Variants in SLC11A2 observed in about 807,000 individuals in gnomAD.
The protein encoded by SLC11A2 is natural resistance-associated macrophage protein 2.
SLC11A2 carries 38 observed loss-of-function variants against 68.0 expected under a neutral mutation model. The observed-to-expected ratio is 0.56, with a 90% CI of 0.43 to 0.73. SLC11A2 has a LOEUF of 0.73. SLC11A2 is among the 30% of genes least tolerant of loss of function. The pLI, the probability that SLC11A2 is intolerant of heterozygous loss-of-function variation, is 0.00. For synonymous variants in SLC11A2, 242 were observed against 250.6 expected, an observed-to-expected ratio of 0.97 and a Z score of 0.32; for missense variants, 517 against 690.5, an observed-to-expected ratio of 0.75 and a Z score of 2.82.
intron 1 of SLC11A2, among the ~76,000 whole-genome samples, chr12:51,017,838 C>T (rs1943766850): frequency 1.3e-5 from 2 of 152,088 alleles, no homozygotes; most frequent in Admixed American, 1.3e-4. Context: ...ATTCCTGACT[C>T]CCTAATTTGG....
chr12:50,996,873 T>C lies in SLC11A2; in HGVS notation c.775A>G (p.Ile259Val), dbSNP rs1451494521. The change falls in exon 9 of 16, where the codon ATC becomes GTC. Residue 259 changes from isoleucine (I) to valine (V), a missense_variant. Physicochemically the swap from Ile to Val is conservative, Grantham distance 29 (BLOSUM62 3). Transcript: ENST00000262052. ...RTPQIEQAVG[I>V]VGAVIMPHNM... ...TGTGGCATGATGACAGCTCCCACGA[T>C]GCCCACAGCCTGTTCAATCTGTGGA... 2 of 1,613,974 alleles carry C rather than the reference T, an allele frequency of 1.2e-6. No homozygotes were observed. The highest frequency in any genetic ancestry group is 1.7e-6 in the Non-Finnish European group (2 of 1,179,996).
At chr12:50,983,813 C>T (rs1216402384), downstream of SLC11A2, among the ~76,000 whole-genome samples, 1 of 151,948 alleles carries the variant, frequency 6.6e-6, no homozygotes, top group Non-Finnish European at 1.5e-5. Context: ...TCTAAAAATA[C>T]AAAAATTAGC....
At chr12:50,990,624 G>T in intron 15 of SLC11A2, 171 bp downstream of exon 15, 1 of 648,272 alleles carries the variant, frequency 1.5e-6, no homozygotes, top group Non-Finnish European at 2.7e-6. Context: ...TGCCCAGATT[G>T]GTCTCTAACT....
the SLC11A2 span, among the ~76,000 whole-genome samples, chr12:50,963,461 C>A: frequency 6.7e-6 from 1 of 149,926 alleles, no homozygotes; most frequent in African/African-American, 2.5e-5. Flanking sequence ...TAGAACAATA[C>A]ACAGGACAGA....
intron 1 of SLC11A2, among the ~76,000 whole-genome samples, chr12:51,017,354 T>C (rs1381115930): frequency 2.0e-5 from 3 of 152,192 alleles, no homozygotes; most frequent in African/African-American, 7.2e-5. Flanking sequence ...AAATATTACA[T>C]GTTGTCAAGT....
At chr12:50,990,717 G>A in intron 15 of SLC11A2, 78 bp downstream of exon 15, 1 of 1,488,886 alleles carries the variant, frequency 6.7e-7, no homozygotes, top group South Asian at 1.2e-5. Flanking sequence ...GCCTGGGTCT[G>A]TTCATTTCTG....
At chr12:50,957,089 A>G in the SLC11A2 span, among the ~76,000 whole-genome samples, 1 of 151,948 alleles carries the variant, frequency 6.6e-6, no homozygotes, top group East Asian at 1.9e-4. Context: ...TGATTTACTG[A>G]TTCTTATTTC....
intron 10 of SLC11A2, 190 bp from the exon 11 acceptor site, chr12:50,994,820 C>T: frequency 1.8e-6 from 1 of 553,688 alleles, no homozygotes; most frequent in South Asian, 2.0e-5. Context: ...CTTCTACACC[C>T]ACAGGTCATC....
chr12:50,993,189 A>T (rs1198020337), intron 11 of SLC11A2: 5 of 194,668 alleles, frequency 2.6e-5, no homozygotes, highest in African/African-American at 9.3e-5. Context: ...CATCTTAAAT[A>T]TTAAAAAAAA....
chr12:50,982,615 G>A (rs918599738), downstream of SLC11A2, among the ~76,000 whole-genome samples: 11 of 151,316 alleles, frequency 7.3e-5, no homozygotes, highest in African/African-American at 2.7e-4. Context: ...GACAGAGTCA[G>A]ACTCCGTCTC....
intron 12 of SLC11A2, 110 bp from the exon 13 acceptor site, chr12:50,992,449 G>T: frequency 9.6e-7 from 1 of 1,042,142 alleles, no homozygotes; most frequent in South Asian, 1.4e-5. Flanking sequence ...TGACAAAAGG[G>T]GCCAGGCGCA....
chr12:50,975,057 G>C (rs1095998), downstream of SLC11A2, among the ~76,000 whole-genome samples: 131,547 of 152,098 alleles, frequency 0.86, 58,093 homozygotes, highest in East Asian at 0.98. Context: ...TTTAACACCC[G>C]ACTGTCAACA....
chr12:50,971,786 T>C, the SLC11A2 span, among the ~76,000 whole-genome samples: 2 of 152,230 alleles, frequency 1.3e-5, no homozygotes, highest in African/African-American at 4.8e-5. Context: ...GTGTTTCCTG[T>C]AATGGAGGTT....
chr12:50,954,210 A>T, the SLC11A2 span: 1 of 633,318 alleles, frequency 1.6e-6, no homozygotes, highest in Non-Finnish European at 2.8e-6. Flanking sequence ...ATTGAAGCTA[A>T]CCTCCTCTAA....
intron 1 of SLC11A2, chr12:51,024,344 G>C (rs954913622): frequency 2.6e-5 from 4 of 152,180 alleles, no homozygotes; most frequent in African/African-American, 9.7e-5. Context: ...AGATGTCTTT[G>C]ATTCAACAAC....
Position 50,986,037 on chromosome 12 carries a change from G to C in SLC11A2, c.*2288C>G. 8.5e-7 allele frequency: 1 copy of C among 1,182,364 alleles called. No homozygotes were observed. The highest frequency in any genetic ancestry group is 1.1e-6 in the Non-Finnish European group (1 of 938,266). 73.2% of individuals were successfully genotyped at this position (1,182,364 alleles called of 1,614,324 possible). On this transcript the variant is annotated 3_prime_UTR_variant, in exon 16 of 16. Coordinates refer to ENST00000262052, the MANE Select transcript of SLC11A2 (RefSeq NM_000617.3). Reference sequence around the variant, plus strand: ...TTAATTAGAAACCAAGTTTACATACGGTTAAATGGTTACTAAAAGCTCAGT... The same window carrying C: ...TTAATTAGAAACCAAGTTTACATACCGTTAAATGGTTACTAAAAGCTCAGT...
At chr12:51,026,520 T>G, upstream of SLC11A2, 2 of 432,582 alleles carry the variant, frequency 4.6e-6, no homozygotes. Context: ...GGAGTCTGGA[T>G]GCGGCGGCCC....
chr12:51,028,540 G>A (rs1012082790), upstream of SLC11A2: 47 of 300,120 alleles, frequency 1.6e-4, no homozygotes, highest in African/African-American at 9.3e-4. Context: ...TAGGTGGCAA[G>A]CCTGTGAGTG....
intron 1 of SLC11A2, among the ~76,000 whole-genome samples, chr12:51,016,847 CAAAAAAA>C (rs34208777): frequency 1.6e-5 from 1 of 60,766 alleles, no homozygotes; most frequent in African/African-American, 6.1e-5. Flanking sequence ...AACTCTGTCT[CAAAAAAA>C]AAAAAAAAAA....
Sources: allele counts gnomAD v4.1 joint callset (sites outside exome capture counted in the v4.1 genomes callset), GRCh38; gene constraint gnomAD v4.1.1; transcripts MANE v1.5; gene names NCBI Gene and HGNC (gene_info 2026-07-23, HGNC 2026-07-21).